ADAMTS6: variants seen among roughly 807,000 people sequenced by gnomAD.
ADAMTS6 encodes ADAM metallopeptidase with thrombospondin type 1 motif 6.
A neutral mutation model predicts 144.3 loss-of-function variants in ADAMTS6; 23 were observed. The observed-to-expected ratio is 0.16, with a 90% CI of 0.11 to 0.23. The LOEUF is 0.23. ADAMTS6 is among the 10% of genes least tolerant of loss of function. The pLI, the probability that ADAMTS6 is intolerant of heterozygous loss-of-function variation, is 1.00. For missense variants in ADAMTS6, 999 were observed against 1,379.6 expected (o/e 0.72, Z 4.37); for synonymous variants, 444 against 457.5 (o/e 0.97, Z 0.38).
At chr5:65,468,580 T>G (rs1310770699) in intron 3 of ADAMTS6, among the ~76,000 whole-genome samples, 2 of 152,166 alleles carry the variant, frequency 1.3e-5, no homozygotes, top group Non-Finnish European at 2.9e-5. Flanking sequence ...TGGACAAACC[T>G]GGCAGATCAC....
At chr5:65,428,225 C>CAAAAAAAAAAAAAAAAAAAAAAAAAAA (rs759344039) in intron 7 of ADAMTS6, among the ~76,000 whole-genome samples, 1 of 58,398 alleles carries the variant, frequency 1.7e-5, no homozygotes, top group Non-Finnish European at 3.8e-5. Context: ...GACTCCATCT[C>CAAAAAAAAAAAAAAAAAAAAAAAAAAA]AAAAAAAAAA....
intron 8 of ADAMTS6, among the ~76,000 whole-genome samples, chr5:65,332,717 T>C (rs16893696): frequency 0.034 from 5,112 of 152,190 alleles, 148 homozygotes; most frequent in East Asian, 0.083. Flanking sequence ...TAAAAGTTAA[T>C]GTACTGAAAC....
At position 65,451,570 on chromosome 5, in the gene ADAMTS6, A is replaced by G. The variant is rs1365554472; in HGVS notation, c.978T>C (p.Cys326=). 4 of 1,613,356 alleles carry G rather than the reference A, an allele frequency of 2.5e-6. No homozygotes were observed. The highest frequency in any genetic ancestry group is 3.4e-6 in the Non-Finnish European group (4 of 1,179,704). Residue 326 remains cysteine (C), a synonymous_variant, in exon 7 of 25, where the codon TGT becomes TGC. Transcript: ENST00000381055. ...GGGAGAGAATGGATTTCTGCCATTT[A>G]CAGAAGCTATCGAGGGACTTGTCTG... is the stretch of plus-strand genomic sequence containing the variant. ...HHADKSLDSF[C]KWQKSILSHQ... is the part of the protein sequence containing the mutation.
chr5:65,288,400 A>G (rs1580303609), intron 11 of ADAMTS6, among the ~76,000 whole-genome samples: 1 of 149,952 alleles, frequency 6.7e-6, no homozygotes, highest in African/African-American at 2.5e-5. Flanking sequence ...GCTCACTGCA[A>G]CCTCCGCTTC....
intron 9 of ADAMTS6, among the ~76,000 whole-genome samples, chr5:65,301,540 T>C (rs1743371201): frequency 2.0e-5 from 3 of 152,236 alleles, no homozygotes; most frequent in Admixed American, 2.0e-4. Flanking sequence ...AATGGAAGAT[T>C]TCTGAGTCAG....
chr5:65,481,022 G>T (rs1561583531), intron 1 of ADAMTS6, among the ~76,000 whole-genome samples: 1 of 151,994 alleles, frequency 6.6e-6, no homozygotes, highest in African/African-American at 2.4e-5. Context: ...ACTATTTGGT[G>T]ATCAGTTAAA....
intron 9 of ADAMTS6, among the ~76,000 whole-genome samples, chr5:65,328,663 ATG>A (rs1455723880): frequency 6.6e-5 from 10 of 151,230 alleles, no homozygotes; most frequent in African/African-American, 2.5e-4. Context: ...TTCAACACAA[ATG>A]TTGAAATTTT....
chr5:65,374,185 T>G (rs2150125127), intron 7 of ADAMTS6, among the ~76,000 whole-genome samples: 1 of 152,270 alleles, frequency 6.6e-6, no homozygotes, highest in East Asian at 1.9e-4. Context: ...AGCATTCCCT[T>G]AGAAAACTGG....
At chr5:65,191,974 C>CT (rs1193526652) in intron 21 of ADAMTS6, among the ~76,000 whole-genome samples, 5 of 152,010 alleles carry the variant, frequency 3.3e-5, no homozygotes, top group Non-Finnish European at 5.9e-5. Context: ...ATACCTCAGT[C>CT]TGTGAAATGA....
intron 22 of ADAMTS6, among the ~76,000 whole-genome samples, chr5:65,179,313 G>C (rs1454729225): frequency 1.3e-5 from 2 of 152,128 alleles, no homozygotes; most frequent in Admixed American, 1.3e-4. Context: ...TTCTATACAA[G>C]GTATGTAGCC....
At chr5:65,215,646 A>G (rs1580081527) in intron 18 of ADAMTS6, among the ~76,000 whole-genome samples, 159 bp from the exon 19 acceptor site, 2 of 152,330 alleles carry the variant, frequency 1.3e-5, no homozygotes, top group East Asian at 3.9e-4. Context: ...GGTATTTTTC[A>G]TGTGAATGGT....
chr5:65,151,747 G>T lies in ADAMTS6; in HGVS notation c.*89C>A. 3 of 1,150,556 alleles carry T rather than the reference G, an allele frequency of 2.6e-6. No homozygotes were observed. Among genetic ancestry groups the T allele is most frequent in the Non-Finnish European group, 3.9e-6 (3 of 778,728 alleles). The allele number at this position is 1,150,556 out of a possible 1,614,324, so 71.3% of individuals were successfully genotyped here. ...TTCCACAGGGTAATGCATTTGCAAG[G>T]ACATCAATCCTCTTCCTCTGGGTGG... On this transcript the variant is annotated 3_prime_UTR_variant, in exon 25 of 25. Coordinates refer to ENST00000381055, the MANE Select transcript of ADAMTS6 (RefSeq NM_197941.4).
At chr5:65,221,158 C>T (rs1250174659) in intron 18 of ADAMTS6, among the ~76,000 whole-genome samples, 1 of 152,102 alleles carries the variant, frequency 6.6e-6, no homozygotes, top group Non-Finnish European at 1.5e-5. Flanking sequence ...TGAAGCCAGG[C>T]TTAACCTGAT....
chr5:65,396,830 G>T (rs1753378812), intron 7 of ADAMTS6, among the ~76,000 whole-genome samples: 1 of 152,202 alleles, frequency 6.6e-6, no homozygotes, highest in Admixed American at 6.5e-5. Context: ...GTCAGTTCAG[G>T]TATGAGGGAG....
chr5:65,333,574 G>C (rs757350379), intron 8 of ADAMTS6, among the ~76,000 whole-genome samples: 7 of 150,054 alleles, frequency 4.7e-5, no homozygotes, highest in Non-Finnish European at 8.9e-5. Flanking sequence ...AAAAAGTATT[G>C]TTCTTGGTGC....
intron 11 of ADAMTS6, among the ~76,000 whole-genome samples, chr5:65,287,826 G>A (rs1741830205): frequency 6.6e-6 from 1 of 152,070 alleles, no homozygotes; most frequent in Non-Finnish European, 1.5e-5. Flanking sequence ...CACCGTGCCT[G>A]GCCAATAATT....
chr5:65,349,639 G>A (rs1411155491), intron 7 of ADAMTS6, among the ~76,000 whole-genome samples: 1 of 152,030 alleles, frequency 6.6e-6, no homozygotes. Flanking sequence ...TGGATCAGCT[G>A]AGGTCAGGAG....
intron 3 of ADAMTS6, among the ~76,000 whole-genome samples, chr5:65,466,451 C>A (rs1022119465): frequency 2.6e-5 from 4 of 152,176 alleles, no homozygotes; most frequent in African/African-American, 9.7e-5. Context: ...CACTACCCAA[C>A]GTATTATAGT....
Position 65,429,790 on chromosome 5 carries a change from A to T in ADAMTS6, c.1073+21685T>A, listed in dbSNP as rs150473821. On this transcript the variant is annotated intron_variant, in intron 7 of 24. Transcript: ENST00000381055. ...AAATACAGAGCTAGTAACATATCTG[A>T]TATAGAAAATATGAACAATAGTTCT... Among the ~76,000 whole-genome samples the T allele has an allele frequency of 1.2e-4, 19 of 152,286 alleles. No homozygotes were observed. In the East Asian group the frequency reaches 3.5e-3, roughly 28 times the overall value.
Sources: allele counts gnomAD v4.1 joint callset (sites outside exome capture counted in the v4.1 genomes callset), GRCh38; gene constraint gnomAD v4.1.1; transcripts MANE v1.5; gene names NCBI Gene and HGNC (gene_info 2026-07-23, HGNC 2026-07-21).